The following MBNL2 variants were observed in gnomAD, a reference collection of about 807,000 sequenced individuals.
MBNL2 encodes muscleblind like splicing regulator 2.
A neutral mutation model predicts 41.9 loss-of-function variants in MBNL2; 17 were observed. The ratio of observed to expected loss-of-function variants is 0.41; its 90% CI spans 0.28 to 0.61. The LOEUF is 0.61. MBNL2 is among the 20% of genes least tolerant of loss of function. MBNL2 has a pLI of 0.35. For synonymous variants in MBNL2, 195 were observed against 182.9 expected, an observed-to-expected ratio of 1.07 and a Z score of -0.53; for missense variants, 336 against 505.6, an observed-to-expected ratio of 0.66 and a Z score of 3.22.
intron 1 of MBNL2, among the ~76,000 whole-genome samples, chr13:97,228,307 G>T (rs973958802): frequency 4.6e-5 from 7 of 151,976 alleles, no homozygotes; most frequent in Non-Finnish European, 1.0e-4. Flanking sequence ...GTATAGGTAG[G>T]TGACATTATG....
the MBNL2 span, among the ~76,000 whole-genome samples, chr13:97,143,299 T>C: frequency 6.6e-6 from 1 of 152,246 alleles, no homozygotes; most frequent in Admixed American, 6.5e-5. Context: ...TTAGGCCAAC[T>C]TGTATTTGAT....
At position 97,267,445 on chromosome 13, in the gene MBNL2, GTTTC is replaced by G. The variant is rs896416396; in HGVS notation, c.-604-8180_-604-8177del. 1.9e-4 allele frequency among the ~76,000 whole-genome samples: 29 copies of G among 152,162 alleles called. 1 individual carries two copies. Among genetic ancestry groups the G allele is most frequent in the African/African-American group, 6.5e-4 (27 of 41,420 alleles). On this transcript the variant is annotated intron_variant, in intron 1 of 8. Transcript: ENST00000679496. ...ATTTCAGGAAATACTACAGAACCTC[GTTTC>G]TTTCTTCTCGAACTTCAGTCTTGCC...
At chr13:97,169,744 A>G in the MBNL2 span, among the ~76,000 whole-genome samples, 1 of 152,180 alleles carries the variant, frequency 6.6e-6, no homozygotes, top group Non-Finnish European at 1.5e-5. Flanking sequence ...GACTGTGCCA[A>G]TCTTTCCAAA....
chr13:97,157,765 AG>A, the MBNL2 span, among the ~76,000 whole-genome samples: 1 of 149,938 alleles, frequency 6.7e-6, no homozygotes, highest in Non-Finnish European at 1.5e-5. Flanking sequence ...ATGGTGGATA[AG>A]CTTTTTGATG....
chr13:97,172,345 G>A, the MBNL2 span: 1 of 152,200 alleles, frequency 6.6e-6, no homozygotes, highest in Admixed American at 6.5e-5. Context: ...ATCTATTTAG[G>A]GCAGCATTCT....
intron 2 of MBNL2, among the ~76,000 whole-genome samples, chr13:97,304,435 CT>C (rs1295810751): frequency 6.6e-6 from 1 of 152,086 alleles, no homozygotes; most frequent in African/African-American, 2.4e-5. Context: ...CATTTATTTG[CT>C]TTTTTATTTT....
chr13:97,166,537 G>A, the MBNL2 span, among the ~76,000 whole-genome samples: 1 of 152,068 alleles, frequency 6.6e-6, no homozygotes, highest in East Asian at 1.9e-4. Flanking sequence ...AATCTGGGTG[G>A]GCACCATCTA....
At chr13:97,261,112 T>C (rs2048532923) in intron 1 of MBNL2, among the ~76,000 whole-genome samples, 1 of 152,002 alleles carries the variant, frequency 6.6e-6, no homozygotes, top group African/African-American at 2.4e-5. Context: ...GCATTCTTAC[T>C]GCACCTTCTC....
chr13:97,175,418 A>T, the MBNL2 span, among the ~76,000 whole-genome samples: 1 of 152,140 alleles, frequency 6.6e-6, no homozygotes, highest in Non-Finnish European at 1.5e-5. Flanking sequence ...GATCCAGGAA[A>T]ACGGGTGCAA....
chr13:97,326,955 T>C (rs2059951920), intron 2 of MBNL2, among the ~76,000 whole-genome samples: 1 of 152,224 alleles, frequency 6.6e-6, no homozygotes, highest in South Asian at 2.1e-4. Context: ...GACTGAGACC[T>C]GTATAAATGG....
At chr13:97,240,434 C>T (rs2044055660) in intron 1 of MBNL2, among the ~76,000 whole-genome samples, 1 of 152,126 alleles carries the variant, frequency 6.6e-6, no homozygotes, top group Admixed American at 6.5e-5. Flanking sequence ...TGAGAAAGTA[C>T]TTTCTACACT....
chr13:97,320,943 T>C (rs529907669), intron 2 of MBNL2, among the ~76,000 whole-genome samples: 2 of 152,242 alleles, frequency 1.3e-5, no homozygotes, highest in Non-Finnish European at 2.9e-5. Context: ...ATATTTTCCC[T>C]GTGTCTCTTT....
At chr13:97,373,543 G>A (rs1307799262) in intron 8 of MBNL2, among the ~76,000 whole-genome samples, 4 of 150,924 alleles carry the variant, frequency 2.7e-5, no homozygotes, top group Admixed American at 2.6e-4. Context: ...GCAGTTTGAG[G>A]CTGAATTCCA....
At position 97,346,228 on chromosome 13, in the gene MBNL2, AGATT is replaced by A. The variant is rs2061838638; in HGVS notation, c.541-575_541-572del. Among the ~76,000 whole-genome samples, 2 of 149,552 alleles carry A rather than the reference AGATT, an allele frequency of 1.3e-5. No individual in the cohort carries two copies. The highest frequency in any genetic ancestry group is 5.1e-5 in the African/African-American group (2 of 39,388). On this transcript the variant is annotated intron_variant, in intron 4 of 8. Coordinates refer to ENST00000679496, the MANE Select transcript of MBNL2 (RefSeq NM_001382683.1). This position sits in a 1 kb window ranked among gnomAD's most constrained non-coding sequence, Gnocchi z 4.2. Reference sequence around the variant, plus strand: ...AGTTTTTACCATTAAAAATAATGATAGATTAACAGATAATAGATGGATGGATGGA... The same window carrying A: ...AGTTTTTACCATTAAAAATAATGATAAACAGATAATAGATGGATGGATGGA...
At chr13:97,160,160 G>C in the MBNL2 span, among the ~76,000 whole-genome samples, 1 of 152,176 alleles carries the variant, frequency 6.6e-6, no homozygotes. Context: ...TTACGGGAAA[G>C]CTCTCTGTTG....
intron 3 of MBNL2, among the ~76,000 whole-genome samples, chr13:97,337,570 C>G (rs2060993935): frequency 6.6e-6 from 1 of 152,166 alleles, no homozygotes. Context: ...TGAGGACCCC[C>G]AAAAGTATGC....
At chr13:97,170,177 A>G in the MBNL2 span, among the ~76,000 whole-genome samples, 4 of 152,214 alleles carry the variant, frequency 2.6e-5, no homozygotes, top group African/African-American at 9.6e-5. Context: ...TAAATTCTAC[A>G]TGCTGAAAGA....
At chr13:97,180,974 T>G in the MBNL2 span, among the ~76,000 whole-genome samples, 2 of 152,090 alleles carry the variant, frequency 1.3e-5, no homozygotes, top group Non-Finnish European at 2.9e-5. Context: ...TCTCTTGCCT[T>G]TCTCAGCTTC....
intron 5 of MBNL2, among the ~76,000 whole-genome samples, chr13:97,353,815 A>C (rs1308853033): frequency 6.6e-6 from 1 of 152,122 alleles, no homozygotes; most frequent in Non-Finnish European, 1.5e-5. Flanking sequence ...AAAAGGAAAC[A>C]AGACAAGCTG....
Sources: gnomAD v4.1 joint callset for allele counts (sites outside exome capture counted in the v4.1 genomes callset) on GRCh38, gnomAD v4.1.1 for gene constraint, Gnocchi (gnomAD v3.1) non-coding constraint, MANE v1.5 for transcripts, NCBI Gene and HGNC (gene_info 2026-07-23, HGNC 2026-07-21) for gene names.